The following FLNB variants were observed in gnomAD, a reference collection of about 807,000 sequenced individuals.
The protein encoded by FLNB is filamin B.
FLNB carries 111 observed loss-of-function variants against 250.6 expected under a neutral mutation model. The observed-to-expected ratio is 0.44, with a 90% CI of 0.38 to 0.52. FLNB has a LOEUF of 0.52. Ranked by LOEUF, FLNB falls within the 20% of genes least tolerant of loss-of-function variation. FLNB has a pLI of 0.00. For synonymous variants in FLNB, 1,302 were observed against 1,372.1 expected, an observed-to-expected ratio of 0.95 and a Z score of 1.13; for missense variants, 2,869 against 3,447.8, an observed-to-expected ratio of 0.83 and a Z score of 4.20.
chr3:58,013,156 C>T (rs1250325844), intron 1 of FLNB, among the ~76,000 whole-genome samples: 2 of 152,204 alleles, frequency 1.3e-5, no homozygotes, highest in Non-Finnish European at 2.9e-5. Flanking sequence ...GGCAGTCCAG[C>T]CAGCTGGGAG....
Position 58,145,905 on chromosome 3 carries a change from T to C in FLNB, c.5426-16T>C, listed in dbSNP as rs766319143. ...TTAATGAGCACCAATTTTGTTTGTG[T>C]CCTTCGTAAACCCAGAGAGCCCACT... On this transcript the variant is annotated splice_polypyrimidine_tract_variant and intron_variant, in intron 32 of 45. Transcript: ENST00000295956. 2 of 1,614,120 alleles carry C rather than the reference T, an allele frequency of 1.2e-6. No individual in the cohort carries two copies. Among genetic ancestry groups the C allele is most frequent in the East Asian group, 2.2e-5 (1 of 44,884 alleles).
intron 42 of FLNB, chr3:58,162,414 C>T (rs1465380567): frequency 6.6e-6 from 1 of 152,384 alleles, no homozygotes; most frequent in Non-Finnish European, 1.5e-5. Flanking sequence ...GACCCAAACG[C>T]ACAGCCACAA....
chr3:58,100,758 G>A (rs1032763130), intron 8 of FLNB, among the ~76,000 whole-genome samples: 3 of 151,684 alleles, frequency 2.0e-5, no homozygotes, highest in Non-Finnish European at 4.4e-5. Flanking sequence ...ACCACGCCTG[G>A]CTAAGTTTTT....
chr3:58,133,076 C>T lies in FLNB; in HGVS notation c.4514+145C>T, dbSNP rs1266521686. The T allele has an allele frequency of 5.4e-6, 5 of 927,370 alleles. No homozygotes were observed. The South Asian group carries it at 5.7e-5, about 11-fold the overall frequency. The allele number at this position is 927,370 out of a possible 1,614,324, so 57.4% of individuals were successfully genotyped here. ...TCCTCCATCAGTCCATCCATCCACC[C>T]ATCCATTCCTCCATCAGTCCATCCA... On this transcript the variant is annotated intron_variant, in intron 26 of 45. Transcript: ENST00000295956.
rs767582048 is a variant in FLNB, at chr3:58,135,581, A to G, written c.4672-398A>G. Among the ~76,000 whole-genome samples the G allele has an allele frequency of 2.0e-5, 3 of 152,200 alleles. 1 individual carries two copies. The South Asian group carries it at 6.2e-4, about 32-fold the overall frequency. On this transcript the variant is annotated intron_variant, in intron 27 of 45. Transcript: ENST00000295956. ...TCACAATTCACATTACCTAGTGGCA[A>G]GGATGCTAGGAAGTGGATTCCCATC... is the stretch of plus-strand genomic sequence containing the variant.
chr3:58,047,872 G>A (rs1182495676), intron 1 of FLNB, among the ~76,000 whole-genome samples: 1 of 152,044 alleles, frequency 6.6e-6, no homozygotes, highest in Non-Finnish European at 1.5e-5. Flanking sequence ...CCACATGCGT[G>A]TTTTTTATTG....
At chr3:58,079,254 A>AT (rs1301702349) in intron 3 of FLNB, among the ~76,000 whole-genome samples, 20 of 111,766 alleles carry the variant, frequency 1.8e-4, no homozygotes, top group African/African-American at 6.3e-4. Flanking sequence ...CAGGACTTAA[A>AT]ATTTTTTTTT....
chr3:58,142,775 G>A lies in FLNB; in HGVS notation c.5284+23G>A, dbSNP rs369444730. The A allele has an allele frequency of 4.8e-4, 766 of 1,593,598 alleles. 10 individuals carry two copies. In the South Asian group the frequency reaches 6.3e-3, roughly 13 times the overall value. On this transcript the variant is annotated intron_variant, in intron 31 of 45. Transcript: ENST00000295956. The surrounding 1 kb of genome is among the most constrained non-coding windows in gnomAD (Gnocchi z 4.3). ...CTGGTAAGCACTTGCCATAAAGGCC[G>A]TCTCATTCTCACTTGCTCTCACGAG...
intron 1 of FLNB, among the ~76,000 whole-genome samples, chr3:58,065,714 A>G (rs1235279862): frequency 6.6e-6 from 1 of 151,598 alleles, no homozygotes; most frequent in African/African-American, 2.4e-5. Flanking sequence ...TTCACCCATC[A>G]CTCTTTTCCT....
In FLNB at chr3:58,110,152, A is replaced by T. The variant is rs1316781787; in HGVS notation, c.2466A>T (p.Lys822Asn). The T allele has an allele frequency of 6.2e-7, 1 of 1,614,178 alleles. No homozygotes were observed. The highest frequency in any genetic ancestry group is 1.7e-5 in the Admixed American group (1 of 60,022). The part of the protein sequence containing the change: ...VPPAAGRYTI[K>N]VLFASQEIPA... ...CTGCTGCTGGGCGATACACTATCAA[A>T]GTTCTCTTTGCATCTCAGGTACGTG... The change falls in exon 16 of 46, where the codon AAA (lysine) becomes AAT (asparagine). Residue 822 changes from lysine (K) to asparagine (N), a missense_variant. Coordinates refer to ENST00000295956, the MANE Select transcript of FLNB (RefSeq NM_001457.4).
At chr3:58,031,465 A>G (rs578214649) in intron 1 of FLNB, among the ~76,000 whole-genome samples, 129 of 148,736 alleles carry the variant, frequency 8.7e-4, no homozygotes, top group Non-Finnish European at 2.1e-4. Context: ...GATGGTCTCA[A>G]TCTGCTGACC....
chr3:58,119,249 G>A (rs1307850140), intron 19 of FLNB, among the ~76,000 whole-genome samples: 2 of 151,974 alleles, frequency 1.3e-5, no homozygotes, highest in Admixed American at 6.6e-5. Flanking sequence ...AACACCCATG[G>A]GAATATTTTG....
At chr3:58,132,047 TA>T in intron 25 of FLNB, 1 of 1,417,538 alleles carries the variant, frequency 7.1e-7, no homozygotes, top group Non-Finnish European at 9.6e-7. Context: ...GCTGCTGAAT[TA>T]TGTAACCCAA....
intron 4 of FLNB, among the ~76,000 whole-genome samples, chr3:58,083,730 A>T (rs530946967): frequency 6.6e-6 from 1 of 152,172 alleles, no homozygotes; most frequent in Admixed American, 6.5e-5. Context: ...TTTGGGCATG[A>T]TTTAGACCGG....
chr3:58,148,998 T>C (rs987417226), intron 36 of FLNB, 146 bp downstream of exon 36: 10 of 780,638 alleles, frequency 1.3e-5, no homozygotes, highest in Non-Finnish European at 2.2e-5. Flanking sequence ...TTGTCTTTTA[T>C]GCCTCATGAC....
At chr3:58,070,640 C>T (rs2097192858) in intron 1 of FLNB, among the ~76,000 whole-genome samples, 1 of 146,240 alleles carries the variant, frequency 6.8e-6, no homozygotes. Flanking sequence ...CAAGCACACA[C>T]CCCATCTCTC....
Position 58,109,704 on chromosome 3 carries a change from G to C in FLNB, c.2323+5G>C, listed in dbSNP as rs1327203741. 3 of 1,614,022 alleles carry C rather than the reference G, an allele frequency of 1.9e-6. No homozygotes were observed. The East Asian group carries it at 6.7e-5, about 36-fold the overall frequency. ...ACTGTACTGAGGCTGGGGAAGGTGA[G>C]AAAGGGCTTTGTTCAACCCAGTGAT... On this transcript the variant is annotated splice_donor_5th_base_variant and intron_variant, in intron 15 of 45. Transcript: ENST00000295956.
intron 1 of FLNB, among the ~76,000 whole-genome samples, chr3:58,019,857 T>A (rs910662252): frequency 6.6e-6 from 1 of 152,344 alleles, no homozygotes; most frequent in African/African-American, 2.4e-5. Context: ...TCCAGTTCTT[T>A]CCCTGCCTTT....
chr3:58,012,253 C>T (rs1413080938), intron 1 of FLNB, among the ~76,000 whole-genome samples: 2 of 150,442 alleles, frequency 1.3e-5, no homozygotes, highest in Admixed American at 1.3e-4. Flanking sequence ...ATGGTTTGCA[C>T]ACCGAAGGGA....
Sources: allele counts gnomAD v4.1 joint callset (sites outside exome capture counted in the v4.1 genomes callset), GRCh38; gene constraint gnomAD v4.1.1; non-coding constraint Gnocchi (gnomAD v3.1); transcripts MANE v1.5; gene names NCBI Gene and HGNC (gene_info 2026-07-23, HGNC 2026-07-21).